The following SYT16 variants were observed in gnomAD, a reference collection of about 807,000 sequenced individuals.
The protein encoded by SYT16 is synaptotagmin-16.
SYT16 carries 42 observed loss-of-function variants against 61.4 expected under a neutral mutation model. The ratio of observed to expected loss-of-function variants is 0.68; its 90% CI spans 0.53 to 0.89. The LOEUF (loss-of-function observed/expected upper bound fraction) is 0.89, where lower values mean the gene tolerates loss of function less well. SYT16 is among the 40% of genes least tolerant of loss of function. The pLI is 0.00. For synonymous variants in SYT16, 314 were observed against 302.3 expected, an observed-to-expected ratio of 1.04 and a Z score of -0.40; for missense variants, 804 against 807.3, an observed-to-expected ratio of 1.00 and a Z score of 0.05.
intron 1 of SYT16, among the ~76,000 whole-genome samples, chr14:61,966,288 C>A (rs1252220975): frequency 1.3e-5 from 2 of 151,440 alleles, no homozygotes; most frequent in Non-Finnish European, 2.9e-5. Flanking sequence ...ACATTAAATT[C>A]ATTAATATAA....
intron 3 of SYT16, among the ~76,000 whole-genome samples, chr14:62,023,365 A>G (rs546363637): frequency 6.6e-6 from 1 of 152,320 alleles, no homozygotes; most frequent in African/African-American, 2.4e-5. Flanking sequence ...TTTGACCACC[A>G]AACTCTGACT....
intron 3 of SYT16, among the ~76,000 whole-genome samples, chr14:62,058,484 C>T (rs866021735): frequency 3.4e-4 from 51 of 151,822 alleles, no homozygotes; most frequent in Admixed American, 3.3e-3. Flanking sequence ...CTGCCTCGGC[C>T]TCCTGAGTAG....
At chr14:61,874,617 GA>G (rs947949056) in intron 1 of SYT16, among the ~76,000 whole-genome samples, 8 of 151,964 alleles carry the variant, frequency 5.3e-5, no homozygotes, top group Admixed American at 3.9e-4. Flanking sequence ...ATTTATATTT[GA>G]AAAAAAGTTA....
intron 7 of SYT16, among the ~76,000 whole-genome samples, chr14:62,095,928 T>C (rs4620870): frequency 0.037 from 5,699 of 152,120 alleles, 151 homozygotes; most frequent in Non-Finnish European, 0.056. Flanking sequence ...ATAATAAATA[T>C]TGTCAGACTT....
chr14:61,867,816 T>C (rs1164437862), intron 1 of SYT16, among the ~76,000 whole-genome samples: 1 of 152,062 alleles, frequency 6.6e-6, no homozygotes, highest in Non-Finnish European at 1.5e-5. Context: ...AGATGCTCTT[T>C]ATGAAGTTGA....
intron 3 of SYT16, among the ~76,000 whole-genome samples, chr14:62,050,771 T>C (rs1489804309): frequency 2.6e-5 from 4 of 152,132 alleles, no homozygotes; most frequent in African/African-American, 9.7e-5. Flanking sequence ...TCAGCAGTGG[T>C]GGCTGCAGAA....
chr14:61,949,419 G>A (rs1566708160), intron 1 of SYT16, among the ~76,000 whole-genome samples: 2 of 152,108 alleles, frequency 1.3e-5, no homozygotes, highest in African/African-American at 2.4e-5. Flanking sequence ...CTGTGTGAAC[G>A]TTAAATCTCA....
intron 3 of SYT16, among the ~76,000 whole-genome samples, chr14:62,011,600 G>T (rs1469736782): frequency 3.3e-5 from 5 of 152,036 alleles, no homozygotes; most frequent in Non-Finnish European, 7.4e-5. Flanking sequence ...CCTGAGAGTG[G>T]AGGAAAGGTG....
intron 1 of SYT16, among the ~76,000 whole-genome samples, chr14:61,941,034 C>T (rs528697906): frequency 3.9e-5 from 6 of 152,166 alleles, no homozygotes; most frequent in Non-Finnish European, 8.8e-5. Context: ...GCAAGAGTTA[C>T]AATCTAAGGG....
chr14:62,050,641 T>A (rs1017149565), intron 3 of SYT16, among the ~76,000 whole-genome samples: 3 of 152,210 alleles, frequency 2.0e-5, no homozygotes. Context: ...GACGTACAGA[T>A]GGGTTTTTGG....
chr14:61,936,567 G>A (rs1397963779), intron 1 of SYT16, among the ~76,000 whole-genome samples: 1 of 152,078 alleles, frequency 6.6e-6, no homozygotes, highest in Non-Finnish European at 1.5e-5. Flanking sequence ...TAATTGTCCC[G>A]AGATTCCATA....
chr14:62,109,816 T>C lies in SYT16; in HGVS notation c.*9109T>C, dbSNP rs2057576308. The C allele has an allele frequency of 6.6e-6, 1 of 152,198 alleles. No individual in the cohort carries two copies. The highest frequency in any genetic ancestry group is 1.5e-5 in the Non-Finnish European group (1 of 68,018). The allele number at this position is 152,198 out of a possible 1,614,324, so 9.4% of individuals were successfully genotyped here. A position where few individuals can be genotyped will look rare whatever the true frequency, so the allele number is the denominator to read the frequency against. Reference sequence around the variant, plus strand: ...CTTCTGTCGCTAGTTTATATGACTTTACATTTACCACTCCTGCCAAGAGAA... The same window carrying C: ...CTTCTGTCGCTAGTTTATATGACTTCACATTTACCACTCCTGCCAAGAGAA... On this transcript the variant is annotated 3_prime_UTR_variant, in exon 8 of 8. Transcript: ENST00000683842.
chr14:62,044,698 T>C (rs912677790), intron 3 of SYT16, among the ~76,000 whole-genome samples: 1 of 152,206 alleles, frequency 6.6e-6, no homozygotes, highest in African/African-American at 2.4e-5. Context: ...ATCCTGTCTA[T>C]CATTGATGGG....
intron 1 of SYT16, among the ~76,000 whole-genome samples, chr14:61,871,816 A>T (rs888184975): frequency 6.6e-6 from 1 of 152,234 alleles, no homozygotes; most frequent in African/African-American, 2.4e-5. Context: ...AAGTGTTGTC[A>T]TAGCACATTT....
At chr14:62,005,561 A>G (rs1220511299) in intron 3 of SYT16, among the ~76,000 whole-genome samples, 2 of 152,186 alleles carry the variant, frequency 1.3e-5, no homozygotes, top group East Asian at 3.9e-4. Flanking sequence ...AAGTTTTCAC[A>G]TTAGTCCTTA....
intron 3 of SYT16, among the ~76,000 whole-genome samples, chr14:62,014,198 A>G (rs1037198416): frequency 6.6e-5 from 10 of 152,114 alleles, no homozygotes; most frequent in African/African-American, 1.9e-4. Context: ...CACAGATCCA[A>G]CTGCCTTCAC....
At chr14:61,834,481 G>A (rs2046060773) in intron 1 of SYT16, among the ~76,000 whole-genome samples, 1 of 141,166 alleles carries the variant, frequency 7.1e-6, no homozygotes, top group African/African-American at 2.8e-5. Flanking sequence ...TGTTGCCCAG[G>A]CTGGAGTGCA....
chr14:62,071,805 T>C (rs1168595981), intron 4 of SYT16, among the ~76,000 whole-genome samples: 1 of 152,196 alleles, frequency 6.6e-6, no homozygotes, highest in East Asian at 1.9e-4. Flanking sequence ...ACTTTAAAAA[T>C]GCATTCAAAA....
chr14:61,918,536 A>G (rs914422933), intron 1 of SYT16, among the ~76,000 whole-genome samples: 9 of 152,190 alleles, frequency 5.9e-5, no homozygotes, highest in African/African-American at 2.2e-4. Flanking sequence ...AATACCTAGT[A>G]GCCTGTAAGA....
Sources: allele counts gnomAD v4.1 joint callset (sites outside exome capture counted in the v4.1 genomes callset), GRCh38; gene constraint gnomAD v4.1.1; transcripts MANE v1.5; gene names NCBI Gene and HGNC (gene_info 2026-07-23, HGNC 2026-07-21).